Variants in DNAI2 observed in about 807,000 individuals in gnomAD.
DNAI2 encodes dynein, axonemal, intermediate polypeptide 2.
DNAI2 carries 63 observed loss-of-function variants against 74.7 expected under a neutral mutation model. The ratio of observed to expected loss-of-function variants is 0.84; its 90% CI spans 0.69 to 1.04. The LOEUF (loss-of-function observed/expected upper bound fraction) is 1.04, where lower values mean the gene tolerates loss of function less well. Ranked by LOEUF, DNAI2 falls within the 50% of genes least tolerant of loss-of-function variation. The probability of loss-of-function intolerance (pLI) is 0.00; values close to 1 mark genes in which losing one functional copy is unlikely to be tolerated. For synonymous variants in DNAI2, 289 were observed against 314.9 expected, an observed-to-expected ratio of 0.92 and a Z score of 0.87; for missense variants, 688 against 803.2, an observed-to-expected ratio of 0.86 and a Z score of 1.73.
chr17:74,311,976 G>A (rs747464491), intron 11 of DNAI2, 27 bp from the exon 12 acceptor site: 25 of 1,549,128 alleles, frequency 1.6e-5, no homozygotes, highest in African/African-American at 1.1e-4. Context: ...TCTCCCCACC[G>A]GGCTCTCTCT....
chr17:74,282,042 C>A (rs2051423300), intron 2 of DNAI2, 42 bp downstream of exon 2: 1 of 1,611,938 alleles, frequency 6.2e-7, no homozygotes, highest in East Asian at 2.2e-5. Flanking sequence ...CAGGTGTGGC[C>A]AGGCAGGGCG....
intron 1 of DNAI2, among the ~76,000 whole-genome samples, chr17:74,276,208 AGTTTT>A (rs1190632767): frequency 6.6e-6 from 1 of 152,016 alleles, no homozygotes; most frequent in African/African-American, 2.4e-5. Context: ...GCACAAGACG[AGTTTT>A]GTTTTTATAG....
chr17:74,294,868 G>T (rs562532881), intron 6 of DNAI2, among the ~76,000 whole-genome samples: 1 of 151,754 alleles, frequency 6.6e-6, no homozygotes, highest in Non-Finnish European at 1.5e-5. Context: ...CTCCTTCTGT[G>T]ACTTCCATTA....
Position 74,309,647 on chromosome 17 carries a change from A to G in DNAI2, c.1347+259A>G, listed in dbSNP as rs1401178759. The G allele has an allele frequency of 4.3e-6, 3 of 695,234 alleles. No homozygotes were observed. The African/African-American group carries it at 5.3e-5, about 12-fold the overall frequency. 43.1% of individuals were successfully genotyped at this position (695,234 alleles called of 1,614,324 possible). On this transcript the variant is annotated intron_variant, in intron 10 of 13. Coordinates refer to ENST00000311014, the MANE Select transcript of DNAI2 (RefSeq NM_023036.6). ...GGGAAATTTAAAAAGAAACAAAAGCAGGTACCCGGCATCTCCTACCCACAG... is the reference window on the plus strand; with the variant it reads ...GGGAAATTTAAAAAGAAACAAAAGCGGGTACCCGGCATCTCCTACCCACAG...
chr17:74,289,887 T>C, intron 5 of DNAI2, 151 bp downstream of exon 5: 1 of 904,980 alleles, frequency 1.1e-6, no homozygotes, highest in South Asian at 1.6e-5. Context: ...AACACACTCT[T>C]CTCCTTCCTC....
At chr17:74,311,843 C>T (rs550218331) in intron 11 of DNAI2, among the ~76,000 whole-genome samples, 160 bp from the exon 12 acceptor site, 11 of 152,298 alleles carry the variant, frequency 7.2e-5, no homozygotes, top group Middle Eastern at 3.4e-3. Flanking sequence ...AATATTCAGC[C>T]CTCCTTCCTT....
chr17:74,277,445 C>T (rs2051158130), intron 1 of DNAI2, among the ~76,000 whole-genome samples: 1 of 151,806 alleles, frequency 6.6e-6, no homozygotes, highest in Non-Finnish European at 1.5e-5. Context: ...CTGCAACAGT[C>T]TGGTTAAGGT....
rs145798624 is a variant in DNAI2, at chr17:74,301,130, G to A, written c.949G>A (p.Ala317Thr). The change falls in exon 8 of 14, where the codon GCC becomes ACC. Residue 317 changes from alanine to threonine, a missense_variant. Transcript: ENST00000311014. The stretch of plus-strand genomic sequence containing the variant: ...CACCAAGAAGGAACAGTTGGAAAAT[G>A]CCTTGGGGGCCATCTCCCTGGAGTT... The part of the protein sequence containing the change: ...DITKKEQLEN[A>T]LGAISLEFES... The A allele has an allele frequency of 6.6e-4, 1,068 of 1,614,082 alleles. 7 individuals carry two copies. In the African/African-American group the frequency reaches 0.013, roughly 20 times the overall value.
At chr17:74,297,381 C>T (rs1026886900) in intron 6 of DNAI2, among the ~76,000 whole-genome samples, 17 of 149,878 alleles carry the variant, frequency 1.1e-4, no homozygotes, top group African/African-American at 3.0e-4. Context: ...CATGAGCCAC[C>T]GTGCCCAGAC....
intron 6 of DNAI2, among the ~76,000 whole-genome samples, chr17:74,298,373 C>A (rs1007603357): frequency 6.6e-6 from 1 of 152,112 alleles, no homozygotes; most frequent in Non-Finnish European, 1.5e-5. Flanking sequence ...GGCATGATCT[C>A]AGCTCACTGC....
At chr17:74,288,715 C>G (rs115266636) in intron 4 of DNAI2, among the ~76,000 whole-genome samples, 1 of 152,112 alleles carries the variant, frequency 6.6e-6, no homozygotes, top group East Asian at 1.9e-4. Flanking sequence ...AAGGACTCCT[C>G]GGCCTTGAAG....
At chr17:74,302,349 C>T (rs906012546) in intron 8 of DNAI2, among the ~76,000 whole-genome samples, 1 of 152,200 alleles carries the variant, frequency 6.6e-6, no homozygotes, top group Non-Finnish European at 1.5e-5. Flanking sequence ...GGGCGGATCA[C>T]CTGAGGTTGG....
chr17:74,289,836 C>G, intron 5 of DNAI2, 100 bp downstream of exon 5: 6 of 1,505,770 alleles, frequency 4.0e-6, no homozygotes, highest in Non-Finnish European at 5.5e-6. Context: ...AGGACACTCA[C>G]GCGGTTGGTG....
chr17:74,286,705 G>A (rs546837384), intron 3 of DNAI2, among the ~76,000 whole-genome samples: 6 of 152,284 alleles, frequency 3.9e-5, no homozygotes, highest in South Asian at 2.1e-4. Flanking sequence ...GATTACAGGC[G>A]TGAGCCACCG....
At chr17:74,313,804 C>G in intron 12 of DNAI2, 1 of 400,028 alleles carries the variant, frequency 2.5e-6, no homozygotes. Flanking sequence ...CTGGCCACAG[C>G]CCTGCAAGGT....
intron 2 of DNAI2, among the ~76,000 whole-genome samples, chr17:74,282,323 T>TA (rs397825955): frequency 3.3e-5 from 5 of 151,586 alleles, no homozygotes; most frequent in African/African-American, 7.3e-5. Flanking sequence ...ATTTTTTTTT[T>TA]AAACAGGGTC....
rs557000601 is a variant in DNAI2 at position 74,302,882 on chromosome 17, A to C, written c.987+1714A>C. Among the ~76,000 whole-genome samples the C allele has an allele frequency of 8.0e-4, 122 of 152,322 alleles. 2 individuals carry two copies. The South Asian group carries it at 0.011, about 14-fold the overall frequency. ...GCTCAAGGCTGAGAGATGAATGTTG[A>C]TGGAAGGAGGAGACAATTCCACTGA... On this transcript the variant is annotated intron_variant, in intron 8 of 13. Coordinates refer to ENST00000311014, the MANE Select transcript of DNAI2 (RefSeq NM_023036.6).
intron 1 of DNAI2, among the ~76,000 whole-genome samples, chr17:74,275,820 G>A (rs2051039651): frequency 6.6e-6 from 1 of 152,098 alleles, no homozygotes; most frequent in African/African-American, 2.4e-5. Flanking sequence ...AACTTGGGAG[G>A]CAGAGGTTGG....
At chr17:74,285,957 A>G (rs562056700) in intron 3 of DNAI2, among the ~76,000 whole-genome samples, 1 of 56,990 alleles carries the variant, frequency 1.8e-5, no homozygotes, top group African/African-American at 4.4e-5. Flanking sequence ...ACACACACAC[A>G]CATATATATA....
Sources: allele counts gnomAD v4.1 joint callset (sites outside exome capture counted in the v4.1 genomes callset), GRCh38; gene constraint gnomAD v4.1.1; transcripts MANE v1.5; gene names NCBI Gene and HGNC (gene_info 2026-07-23, HGNC 2026-07-21).